The following CD86 variants were observed in gnomAD, a reference collection of about 807,000 sequenced individuals.
CD86 encodes the protein T-lymphocyte activation antigen CD86.
In CD86, 11 loss-of-function variants were observed where a neutral mutation model predicts 32.1. The ratio of observed to expected loss-of-function variants is 0.34; its 90% CI spans 0.22 to 0.57. The LOEUF (loss-of-function observed/expected upper bound fraction) is 0.57, where lower values mean the gene tolerates loss of function less well. Ranked by LOEUF, CD86 falls within the 20% of genes least tolerant of loss-of-function variation. The pLI, the probability that CD86 is intolerant of heterozygous loss-of-function variation, is 0.86. For synonymous variants in CD86, 137 were observed against 135.3 expected (o/e 1.01, Z -0.09); for missense variants, 359 against 398.4 (o/e 0.90, Z 0.84).
chr3:122,114,933 T>G (rs574494246), intron 5 of CD86, among the ~76,000 whole-genome samples: 120 of 152,324 alleles, frequency 7.9e-4, no homozygotes, highest in Non-Finnish European at 1.5e-3. Flanking sequence ...GATAGAAGAC[T>G]GATTGCTTTT....
intron 1 of CD86, among the ~76,000 whole-genome samples, chr3:122,062,006 G>A (rs2072343872): frequency 6.6e-6 from 1 of 151,790 alleles, no homozygotes; most frequent in Non-Finnish European, 1.5e-5. Flanking sequence ...AGGAAGCTGG[G>A]TGAAGGTACA....
chr3:122,114,678 T>C (rs911418704), intron 5 of CD86, among the ~76,000 whole-genome samples: 1 of 152,212 alleles, frequency 6.6e-6, no homozygotes, highest in African/African-American at 2.4e-5. Context: ...GTGGGGTTTA[T>C]TCAAGAAACA....
At position 122,057,180 on chromosome 3, in the gene CD86, A is replaced by G. The variant is rs566557704; in HGVS notation, c.14+1677A>G. Among the ~76,000 whole-genome samples the G allele has an allele frequency of 2.0e-5, 3 of 152,338 alleles. No homozygotes were observed. In the East Asian group the frequency reaches 5.8e-4, roughly 29 times the overall value. On this transcript the variant is annotated intron_variant, in intron 1 of 6. Coordinates refer to ENST00000330540, the MANE Select transcript of CD86 (RefSeq NM_175862.5). ...AGTGGTGATATCATCTTTCTGGACA[A>G]TAATCTAGTGATACATATCAAAAGC...
At chr3:122,104,470 A>G (rs983364045) in intron 3 of CD86, among the ~76,000 whole-genome samples, 2 of 152,230 alleles carry the variant, frequency 1.3e-5, no homozygotes, top group Non-Finnish European at 2.9e-5. Flanking sequence ...TTTTAAAACT[A>G]TCACACAGTA....
At chr3:122,092,770 C>T (rs1005304360) in intron 2 of CD86, among the ~76,000 whole-genome samples, 2 of 152,206 alleles carry the variant, frequency 1.3e-5, no homozygotes, top group African/African-American at 4.8e-5. Flanking sequence ...ACCCACAGGC[C>T]ACCAGCCATG....
intron 2 of CD86, among the ~76,000 whole-genome samples, chr3:122,098,147 A>G (rs577881085): frequency 5.6e-4 from 86 of 152,360 alleles, no homozygotes; most frequent in African/African-American, 2.0e-3. Context: ...CAGACATCTC[A>G]GGAGAGACAG....
rs532818263 is a variant in CD86, at chr3:122,097,924, G to T, written c.65-5588G>T. 3.3e-4 allele frequency among the ~76,000 whole-genome samples: 51 copies of T among 152,262 alleles called. No individual in the cohort carries two copies. The South Asian group carries it at 9.4e-3, about 28-fold the overall frequency. On this transcript the variant is annotated intron_variant, in intron 2 of 6. Coordinates refer to ENST00000330540, the MANE Select transcript of CD86 (RefSeq NM_175862.5). ...CAGATAAAGAGACCTAAGAATGAGG[G>T]TGCCTGGGCTAAGATTGCAAGTATG...
At chr3:122,074,554 C>G (rs550290679) in intron 1 of CD86, among the ~76,000 whole-genome samples, 30 of 152,294 alleles carry the variant, frequency 2.0e-4, no homozygotes, top group Middle Eastern at 6.8e-3. Flanking sequence ...TGACCACTGG[C>G]CGCAGGAGGC....
At chr3:122,107,047 T>C (rs991143512) in intron 4 of CD86, among the ~76,000 whole-genome samples, 1 of 152,080 alleles carries the variant, frequency 6.6e-6, no homozygotes, top group African/African-American at 2.4e-5. Context: ...TTTTAAAAGG[T>C]TGAATTGGAA....
intron 1 of CD86, among the ~76,000 whole-genome samples, chr3:122,069,770 A>T (rs1433801203): frequency 6.6e-6 from 1 of 151,400 alleles, no homozygotes; most frequent in African/African-American, 2.4e-5. Context: ...GAACACCGCA[A>T]CTCCACTCTG....
chr3:122,063,704 C>T (rs868117879), intron 1 of CD86, among the ~76,000 whole-genome samples: 6 of 151,578 alleles, frequency 4.0e-5, no homozygotes, highest in African/African-American at 1.5e-4. Context: ...GTTCAGGACA[C>T]GCCACCACAC....
chr3:122,118,907 C>T (rs2073299480), intron 6 of CD86, among the ~76,000 whole-genome samples: 1 of 152,126 alleles, frequency 6.6e-6, no homozygotes, highest in Admixed American at 6.5e-5. Context: ...TACCTCTATC[C>T]CTCCTGAGAA....
intron 1 of CD86, among the ~76,000 whole-genome samples, chr3:122,064,974 T>C (rs2072392866): frequency 6.6e-6 from 1 of 152,236 alleles, no homozygotes; most frequent in Non-Finnish European, 1.5e-5. Context: ...GATATCACCA[T>C]AGCTAATATG....
chr3:122,097,649 G>A (rs1188070730), intron 2 of CD86, among the ~76,000 whole-genome samples: 1 of 152,154 alleles, frequency 6.6e-6, no homozygotes, highest in Non-Finnish European at 1.5e-5. Flanking sequence ...CCAAGGGTGG[G>A]GAGAATTCAT....
intron 5 of CD86, among the ~76,000 whole-genome samples, chr3:122,110,980 A>T (rs1347575155): frequency 6.6e-6 from 1 of 152,218 alleles, no homozygotes; most frequent in Non-Finnish European, 1.5e-5. Context: ...TCAGAAAAAA[A>T]TCAGGAGACT....
chr3:122,118,874 AC>A (rs2073298835), intron 6 of CD86, among the ~76,000 whole-genome samples: 1 of 152,184 alleles, frequency 6.6e-6, no homozygotes, highest in Non-Finnish European at 1.5e-5. Flanking sequence ...TCCTTTCACA[AC>A]GTGAAGCTAT....
At chr3:122,070,891 T>A (rs2072480156) in intron 1 of CD86, among the ~76,000 whole-genome samples, 1 of 152,202 alleles carries the variant, frequency 6.6e-6, no homozygotes, top group South Asian at 2.1e-4. Context: ...CTCTAAAATG[T>A]CACATTATTA....
intron 1 of CD86, among the ~76,000 whole-genome samples, chr3:122,075,719 A>G (rs1248622721): frequency 2.6e-5 from 4 of 152,062 alleles, no homozygotes; most frequent in Admixed American, 2.0e-4. Flanking sequence ...TCACCCCCTC[A>G]TTTCTGCTGC....
At chr3:122,077,049 C>T (rs1315142181) in intron 1 of CD86, among the ~76,000 whole-genome samples, 1 of 152,220 alleles carries the variant, frequency 6.6e-6, no homozygotes, top group African/African-American at 2.4e-5. Flanking sequence ...TCACAGGACA[C>T]AGCTAGCCTC....
Sources: gnomAD v4.1 joint callset for allele counts (sites outside exome capture counted in the v4.1 genomes callset) on GRCh38, gnomAD v4.1.1 for gene constraint, MANE v1.5 for transcripts, NCBI Gene and HGNC (gene_info 2026-07-23, HGNC 2026-07-21) for gene names.